Variants in STK4 observed in about 807,000 individuals in gnomAD.
STK4 encodes the protein serine/threonine-protein kinase 4.
STK4 carries 30 observed loss-of-function variants against 64.9 expected under a neutral mutation model. The observed-to-expected ratio is 0.46, with a 90% CI of 0.35 to 0.63. The LOEUF (loss-of-function observed/expected upper bound fraction) is 0.63, where lower values mean the gene tolerates loss of function less well. Ranked by LOEUF, STK4 falls within the 20% of genes least tolerant of loss-of-function variation. STK4 has a pLI of 0.01. For synonymous variants in STK4, 177 were observed against 199.0 expected, an observed-to-expected ratio of 0.89 and a Z score of 0.93; for missense variants, 466 against 598.5, an observed-to-expected ratio of 0.78 and a Z score of 2.31.
At chr20:45,052,982 G>T in intron 10 of STK4, 2 of 865,086 alleles carry the variant, frequency 2.3e-6, no homozygotes, top group African/African-American at 3.4e-5. Flanking sequence ...CACTATTTTT[G>T]TTTCAACTTC....
At chr20:45,001,913 T>A (rs1273721634) in intron 9 of STK4, among the ~76,000 whole-genome samples, 3 of 152,216 alleles carry the variant, frequency 2.0e-5, no homozygotes. Flanking sequence ...TGTGTTCAGC[T>A]CCTATCTTAG....
intron 1 of STK4, among the ~76,000 whole-genome samples, chr20:44,971,426 A>G (rs1455717056): frequency 1.3e-5 from 2 of 152,180 alleles, no homozygotes; most frequent in Admixed American, 6.5e-5. Flanking sequence ...TGTGATACCT[A>G]CAGAATTTAT....
In STK4 at chr20:44,997,291, C is replaced by T. The variant is rs776164872; in HGVS notation, c.816C>T (p.Ala272=). ...AGAGCCCTGAGCAGAGGGCCACAGC[C>T]ACTCAGCTCCTGCAGGTATGAATCA... The part of the protein sequence containing the change: ...LVKSPEQRAT[A]TQLLQHPFVR... The change falls in exon 7 of 11, where the codon GCC becomes GCT. Residue 272 remains alanine (A), a synonymous_variant. Coordinates refer to ENST00000372806, the MANE Select transcript of STK4 (RefSeq NM_006282.5). 1.2e-6 allele frequency: 2 copies of T among 1,601,932 alleles called. No individual in the cohort carries two copies.
intron 5 of STK4, among the ~76,000 whole-genome samples, chr20:44,992,165 G>C (rs925201379): frequency 2.6e-5 from 4 of 151,192 alleles, no homozygotes; most frequent in Admixed American, 1.3e-4. Context: ...TTTATCTTAT[G>C]GTTTCTATCT....
intron 10 of STK4, among the ~76,000 whole-genome samples, chr20:45,038,799 TA>T (rs370476871): frequency 4.3e-4 from 65 of 151,002 alleles, no homozygotes; most frequent in South Asian, 6.3e-4. Context: ...TTTATTTACT[TA>T]AAAAAAAAGC....
chr20:45,053,437 C>T (rs557537003), intron 10 of STK4, among the ~76,000 whole-genome samples: 5 of 152,256 alleles, frequency 3.3e-5, no homozygotes, highest in East Asian at 3.9e-4. Context: ...TCTTCTTTAG[C>T]GTTCATTCTT....
chr20:45,005,940 A>T (rs1032754486), intron 9 of STK4, among the ~76,000 whole-genome samples: 1 of 151,858 alleles, frequency 6.6e-6, no homozygotes, highest in Non-Finnish European at 1.5e-5. Context: ...CTTTGAAGAG[A>T]TCATTTTGAT....
Position 45,066,736 on chromosome 20 carries a change from C to T in STK4, c.1306-8282C>T, listed in dbSNP as rs528129668. Among the ~76,000 whole-genome samples the T allele has an allele frequency of 4.6e-5, 7 of 152,330 alleles. No homozygotes were observed. In the East Asian group the frequency reaches 1.2e-3, roughly 25 times the overall value. ...TTGTTAACTCGTCGTGGTTTTGCTG[C>T]TTTCCCTCCTTATTGGAGAAGAATT... On this transcript the variant is annotated intron_variant, in intron 10 of 10. Coordinates refer to ENST00000372806, the MANE Select transcript of STK4 (RefSeq NM_006282.5).
intron 9 of STK4, among the ~76,000 whole-genome samples, chr20:45,011,481 T>C (rs2068042054): frequency 6.6e-6 from 1 of 151,920 alleles, no homozygotes; most frequent in African/African-American, 2.4e-5. Flanking sequence ...AAAGTTCAAA[T>C]AAGAAGTCAG....
rs1331548146 is a variant in STK4 at position 45,001,194 on chromosome 20, A to G, written c.988A>G (p.Met330Val). ...AGAGGATGAAATGGATTCTGGCACG[A>G]TGGTTCGAGCAGTGGGTGATGAGAT... is the stretch of plus-strand genomic sequence containing the variant. ...SEEDEMDSGT[M>V]VRAVGDEMGT... Residue 330 changes from methionine (M) to valine (V), a missense_variant, in exon 9 of 11, where the codon ATG becomes GTG. This residue lies in a region of STK4 where 276 missense variants were observed against 308.9 expected (regional missense o/e 0.89). Coordinates refer to ENST00000372806, the MANE Select transcript of STK4 (RefSeq NM_006282.5). 3.1e-6 allele frequency: 5 copies of G among 1,613,234 alleles called. No homozygotes were observed. The highest frequency in any genetic ancestry group is 4.2e-6 in the Non-Finnish European group (5 of 1,179,280).
chr20:44,995,304 T>C (rs2067708347), intron 6 of STK4, 47 bp downstream of exon 6: 2 of 1,562,424 alleles, frequency 1.3e-6, no homozygotes, highest in Admixed American at 1.8e-5. Flanking sequence ...TTACTGATCA[T>C]CATTAAAAAG....
At position 45,001,126 on chromosome 20, in the gene STK4, T is replaced by C. The variant is rs1445559089; in HGVS notation, c.961-41T>C. Reference sequence around the variant, plus strand: ...AGTTATTCAGAAAACTCAAAGTCTTTTGTCAAATTAGCCCCAATTTGAGAT... The same window carrying C: ...AGTTATTCAGAAAACTCAAAGTCTTCTGTCAAATTAGCCCCAATTTGAGAT... On this transcript the variant is annotated intron_variant, in intron 8 of 10. Coordinates refer to ENST00000372806, the MANE Select transcript of STK4 (RefSeq NM_006282.5). The C allele has an allele frequency of 1.9e-6, 3 of 1,573,652 alleles. No homozygotes were observed. In the South Asian group the frequency reaches 3.4e-5, roughly 18 times the overall value.
chr20:44,966,585 T>C lies in STK4; in HGVS notation c.17T>C (p.Leu6Pro), dbSNP rs1380933102. 2 of 1,273,058 alleles carry C rather than the reference T, an allele frequency of 1.6e-6. No homozygotes were observed. The highest frequency in any genetic ancestry group is 2.0e-6 in the Non-Finnish European group (2 of 1,001,504). 78.9% of individuals were successfully genotyped at this position (1,273,058 alleles called of 1,614,324 possible). A position where few individuals can be genotyped will look rare whatever the true frequency, so the allele number is the denominator to read the frequency against. METVQ[L>P]RNPPRRQLKK... The stretch of plus-strand genomic sequence containing the variant: ...GGCAGCGCCATGGAGACGGTACAGC[T>C]GAGGAACCCGCCGCGCCGGTGAGGG... The change falls in exon 1 of 11, where the codon CTG becomes CCG. Residue 6 changes from leucine to proline, a missense_variant. Coordinates refer to ENST00000372806, the MANE Select transcript of STK4 (RefSeq NM_006282.5).
At chr20:45,000,666 C>A in intron 8 of STK4, 146 bp downstream of exon 8, 1 of 1,172,008 alleles carries the variant, frequency 8.5e-7, no homozygotes. Flanking sequence ...TGGATCAACG[C>A]ATGCTAGAGG....
chr20:44,991,303 A>C (rs1193384357), intron 5 of STK4, among the ~76,000 whole-genome samples: 1 of 152,232 alleles, frequency 6.6e-6, no homozygotes, highest in Non-Finnish European at 1.5e-5. Flanking sequence ...CTATAAACAT[A>C]AACTCTGTGA....
At chr20:45,040,491 A>G (rs2068595836) in intron 10 of STK4, among the ~76,000 whole-genome samples, 1 of 151,964 alleles carries the variant, frequency 6.6e-6, no homozygotes, top group Non-Finnish European at 1.5e-5. Flanking sequence ...TAACCCCAGT[A>G]GTTACTTTTA....
At chr20:44,988,533 G>GTGTGTGTGTGTGTGTA (rs1221720136) in intron 5 of STK4, among the ~76,000 whole-genome samples, 13 of 101,582 alleles carry the variant, frequency 1.3e-4, no homozygotes, top group African/African-American at 6.2e-4. Flanking sequence ...ATGTGTGTGT[G>GTGTGTGTGTGTGTGTA]TATATATATA....
At chr20:45,053,938 A>G (rs927405980) in intron 10 of STK4, among the ~76,000 whole-genome samples, 3 of 151,482 alleles carry the variant, frequency 2.0e-5, no homozygotes, top group Non-Finnish European at 4.4e-5. Flanking sequence ...ATTTGTCCCC[A>G]GGGAACCTCT....
chr20:44,981,974 G>A, intron 4 of STK4, 31 bp downstream of exon 4: 1 of 1,462,024 alleles, frequency 6.8e-7, no homozygotes, highest in South Asian at 1.1e-5. Context: ...ATGCAACTGA[G>A]CTAGTTTCTT....
Sources: allele counts gnomAD v4.1 joint callset (sites outside exome capture counted in the v4.1 genomes callset), GRCh38; gene constraint gnomAD v4.1.1; regional missense constraint gnomAD v4.1.1; transcripts MANE v1.5; gene names NCBI Gene and HGNC (gene_info 2026-07-23, HGNC 2026-07-21).